The following MYO9A variants were observed in gnomAD, a reference collection of about 807,000 sequenced individuals.
MYO9A encodes myosin IXA.
MYO9A carries 103 observed loss-of-function variants against 293.3 expected under a neutral mutation model. The observed-to-expected ratio is 0.35, with a 90% CI of 0.30 to 0.41. MYO9A has a LOEUF of 0.41. Among genes scored for constraint, MYO9A ranks in the 10% least tolerant of loss-of-function variants. MYO9A has a pLI of 1.00. For missense variants in MYO9A, 2,685 were observed against 3,033.0 expected, an observed-to-expected ratio of 0.89 and a Z score of 2.69; for synonymous variants, 1,001 against 1,035.7, an observed-to-expected ratio of 0.97 and a Z score of 0.64.
Position 71,825,984 on chromosome 15 carries a change from GGTTTTTTTTT to G in MYO9A, c.*586_*595del, listed in dbSNP as rs1322784439. The G allele has an allele frequency of 2.1e-4, 30 of 143,970 alleles. No individual in the cohort carries two copies. The highest frequency in any genetic ancestry group is 2.0e-3 in the Admixed American group (29 of 14,290). The allele number at this position is 143,970 out of a possible 1,614,324, so 8.9% of individuals were successfully genotyped here. A position where few individuals can be genotyped will look rare whatever the true frequency, so the allele number is the denominator to read the frequency against. On this transcript the variant is annotated 3_prime_UTR_variant, in exon 42 of 42. Coordinates refer to ENST00000356056, the MANE Select transcript of MYO9A (RefSeq NM_006901.4). Reference sequence around the variant, plus strand: ...CTGATGGCTTAATGGAAACAATCACGGTTTTTTTTTGTTTTTTTTTTTTTGTTTTTTTTTT... The same window carrying G: ...CTGATGGCTTAATGGAAACAATCACGGTTTTTTTTTTTTTGTTTTTTTTTT...
chr15:71,930,414 C>T (rs1296868799), intron 18 of MYO9A, among the ~76,000 whole-genome samples: 1 of 152,170 alleles, frequency 6.6e-6, no homozygotes, highest in East Asian at 1.9e-4. Flanking sequence ...AAAATTGTTA[C>T]ATCCTTTTGA....
chr15:71,853,583 A>G (rs1014975632), intron 35 of MYO9A, among the ~76,000 whole-genome samples: 1 of 152,216 alleles, frequency 6.6e-6, no homozygotes, highest in Non-Finnish European at 1.5e-5. Context: ...TGATTTGTTC[A>G]TAAGAAACAG....
intron 5 of MYO9A, among the ~76,000 whole-genome samples, chr15:72,020,709 C>T (rs1258856722): frequency 6.6e-6 from 1 of 152,058 alleles, no homozygotes; most frequent in Admixed American, 6.6e-5. Flanking sequence ...AAACGAAAAG[C>T]ACATATATTA....
chr15:72,104,184 G>A (rs1417779317), intron 1 of MYO9A, among the ~76,000 whole-genome samples: 1 of 152,132 alleles, frequency 6.6e-6, no homozygotes, highest in Non-Finnish European at 1.5e-5. Context: ...TCTCACAAGG[G>A]TAAACAACTG....
At chr15:71,852,356 A>ATT in intron 35 of MYO9A, 96 bp from the exon 36 acceptor site, 1 of 1,045,468 alleles carries the variant, frequency 9.6e-7, no homozygotes, top group Non-Finnish European at 1.3e-6. Context: ...GGAAGGCTTC[A>ATT]TGTTTCTTTT....
chr15:71,949,893 C>T (rs1352859852), intron 15 of MYO9A, among the ~76,000 whole-genome samples: 1 of 151,972 alleles, frequency 6.6e-6, no homozygotes, highest in Non-Finnish European at 1.5e-5. Flanking sequence ...AGTTAGGAAA[C>T]CCCTTGTATA....
intron 32 of MYO9A, among the ~76,000 whole-genome samples, chr15:71,866,929 C>T (rs1469378498): frequency 6.6e-6 from 1 of 151,982 alleles, no homozygotes; most frequent in African/African-American, 2.4e-5. Context: ...TGGTGGCGCA[C>T]ACCTGTGGTC....
intron 1 of MYO9A, among the ~76,000 whole-genome samples, chr15:72,113,454 T>A (rs2080854793): frequency 6.6e-6 from 1 of 152,180 alleles, no homozygotes; most frequent in Non-Finnish European, 1.5e-5. Context: ...TTAAAGTATG[T>A]AAGGAAGACA....
At chr15:72,096,788 A>G (rs2080078660) in intron 1 of MYO9A, among the ~76,000 whole-genome samples, 2 of 152,344 alleles carry the variant, frequency 1.3e-5, no homozygotes, top group East Asian at 1.9e-4. Flanking sequence ...AGAGGTCAAC[A>G]TAACATTAAC....
chr15:72,052,332 C>T (rs1173544425), intron 1 of MYO9A, among the ~76,000 whole-genome samples: 1 of 152,174 alleles, frequency 6.6e-6, no homozygotes, highest in Non-Finnish European at 1.5e-5. Context: ...CAGAGAGGAG[C>T]TACCCACTGC....
intron 32 of MYO9A, among the ~76,000 whole-genome samples, chr15:71,863,978 C>T (rs1042692666): frequency 2.6e-5 from 4 of 152,054 alleles, no homozygotes; most frequent in African/African-American, 7.2e-5. Context: ...TTGTTTTGGA[C>T]TTAATTAAAA....
At chr15:71,940,424 C>G (rs888960419) in intron 15 of MYO9A, among the ~76,000 whole-genome samples, 2 of 151,716 alleles carry the variant, frequency 1.3e-5, no homozygotes, top group African/African-American at 4.8e-5. Context: ...CCCCAGAGGT[C>G]GAGGCTGCAG....
chr15:71,826,576 C>A lies in MYO9A; in HGVS notation c.*4G>T. 1.3e-6 allele frequency: 2 copies of A among 1,573,492 alleles called. No homozygotes were observed. Among genetic ancestry groups the A allele is most frequent in the Non-Finnish European group, 1.7e-6 (2 of 1,164,702 alleles). ...TAGCCACGGAGGGACACACATCTGC[C>A]GGTTCAGACCATAAATTCATTATTT... On this transcript the variant is annotated 3_prime_UTR_variant, in exon 42 of 42. Transcript: ENST00000356056.
At position 72,094,366 on chromosome 15, in the gene MYO9A, A is replaced by ATTTTTTTT. The variant is rs3028399; in HGVS notation, c.-72+23313_-72+23314insAAAAAAAA. 9.2e-5 allele frequency among the ~76,000 whole-genome samples: 8 copies of ATTTTTTTT among 87,334 alleles called. 2 individuals are homozygous for ATTTTTTTT. The Admixed American group carries it at 1.0e-3, about 11-fold the overall frequency. The allele number at this position is 87,334 out of a possible 152,430, so 57.3% of individuals were successfully genotyped here. ...GCTTTATTGCACTTCACAGATAGTGATTTTTTAACAAATTAAAGGTTTGTG... is the reference window on the plus strand; with the variant it reads ...GCTTTATTGCACTTCACAGATAGTGATTTTTTTTTTTTTTAACAAATTAAAGGTTTGTG... On this transcript the variant is annotated intron_variant, in intron 1 of 41. Transcript: ENST00000356056.
At position 71,828,428 on chromosome 15, in the gene MYO9A, A is replaced by C. The variant is rs561367231; in HGVS notation, c.7041-402T>G. Among the ~76,000 whole-genome samples, 10 of 152,312 alleles carry C rather than the reference A, an allele frequency of 6.6e-5. No individual in the cohort carries two copies. The South Asian group carries it at 1.9e-3, about 28-fold the overall frequency. ...TACCACAAAACAAAGAGATTAAACT[A>C]GATAACCTCTAAGATTCCTTCCAGC... On this transcript the variant is annotated intron_variant, in intron 40 of 41. Transcript: ENST00000356056.
chr15:71,826,554 C>G lies in MYO9A; in HGVS notation c.*26G>C. 6.5e-7 allele frequency: 1 copy of G among 1,547,604 alleles called. No individual in the cohort carries two copies. Among genetic ancestry groups the G allele is most frequent in the Non-Finnish European group, 8.7e-7 (1 of 1,152,156 alleles). ...GTGAGATTTGTTTACCACTCTGTAG[C>G]CACGGAGGGACACACATCTGCCGGT... On this transcript the variant is annotated 3_prime_UTR_variant, in exon 42 of 42. Transcript: ENST00000356056.
At chr15:72,072,068 A>T (rs2079208329) in intron 1 of MYO9A, among the ~76,000 whole-genome samples, 1 of 138,460 alleles carries the variant, frequency 7.2e-6, no homozygotes, top group Non-Finnish European at 1.5e-5. Context: ...GTGAGAGCCC[A>T]TGTCAAAAAA....
At chr15:71,840,639 G>GT (rs777265895) in intron 39 of MYO9A, among the ~76,000 whole-genome samples, 47 of 150,802 alleles carry the variant, frequency 3.1e-4, no homozygotes, top group Non-Finnish European at 4.7e-4. Flanking sequence ...TTCTTTTTTT[G>GT]TTTTTTTTGA....
chr15:71,835,455 G>A (rs999329218), intron 39 of MYO9A, among the ~76,000 whole-genome samples: 1 of 151,966 alleles, frequency 6.6e-6, no homozygotes, highest in South Asian at 2.1e-4. Flanking sequence ...AATACAAGAT[G>A]AAAAATACCA....
Sources: gnomAD v4.1 joint callset for allele counts (sites outside exome capture counted in the v4.1 genomes callset) on GRCh38, gnomAD v4.1.1 for gene constraint, MANE v1.5 for transcripts, NCBI Gene and HGNC (gene_info 2026-07-23, HGNC 2026-07-21) for gene names.